Variants in SDK1 observed in about 807,000 individuals in gnomAD.
The protein encoded by SDK1 is protein sidekick-1.
A neutral mutation model predicts 245.5 loss-of-function variants in SDK1; 157 were observed. That is an observed-to-expected ratio of 0.64 (90% CI 0.56 to 0.73). The LOEUF (loss-of-function observed/expected upper bound fraction) is 0.73. SDK1 is among the 30% of genes least tolerant of loss of function. The pLI, the probability that SDK1 is intolerant of heterozygous loss-of-function variation, is 0.00. For synonymous variants in SDK1, 1,647 were observed against 1,278.5 expected (o/e 1.29, Z -6.15); for missense variants, 3,583 against 3,002.3 (o/e 1.19, Z -4.52).
intron 4 of SDK1, among the ~76,000 whole-genome samples, chr7:3,717,870 G>A (rs1785247906): frequency 6.6e-6 from 1 of 151,102 alleles, no homozygotes. Context: ...ACAGGGTTTT[G>A]TTTATTAAAT....
intron 4 of SDK1, among the ~76,000 whole-genome samples, chr7:3,755,140 C>T (rs1779882826): frequency 2.6e-5 from 4 of 152,130 alleles, no homozygotes; most frequent in Admixed American, 2.6e-4. Flanking sequence ...GGAAAGCTTC[C>T]AAGTGAAAGA....
At chr7:3,762,700 C>T (rs931401668) in intron 4 of SDK1, among the ~76,000 whole-genome samples, 1 of 152,160 alleles carries the variant, frequency 6.6e-6, no homozygotes, top group African/African-American at 2.4e-5. Context: ...GTAACATTCA[C>T]TGTAATAGAC....
At chr7:3,858,575 T>C (rs1173219298) in intron 5 of SDK1, among the ~76,000 whole-genome samples, 1 of 152,092 alleles carries the variant, frequency 6.6e-6, no homozygotes, top group East Asian at 1.9e-4. Flanking sequence ...CCAAGTCGTC[T>C]ATGTCTGCTT....
chr7:3,431,472 A>C (rs1238645400), intron 1 of SDK1, among the ~76,000 whole-genome samples: 1 of 148,418 alleles, frequency 6.7e-6, no homozygotes, highest in African/African-American at 2.5e-5. Context: ...GGTGTGGTCT[A>C]TGAGTAAGGC....
intron 5 of SDK1, among the ~76,000 whole-genome samples, chr7:3,835,996 T>C (rs1320356900): frequency 6.6e-6 from 1 of 152,234 alleles, no homozygotes; most frequent in Non-Finnish European, 1.5e-5. Flanking sequence ...ATAGCTCTTA[T>C]TTATATGAGT....
chr7:3,567,610 T>C (rs1323843117), intron 1 of SDK1, among the ~76,000 whole-genome samples: 1 of 152,202 alleles, frequency 6.6e-6, no homozygotes, highest in African/African-American at 2.4e-5. Context: ...GTAAATGTGC[T>C]TAACTTTTGG....
At chr7:3,544,904 A>C (rs1779168535) in intron 1 of SDK1, among the ~76,000 whole-genome samples, 1 of 152,204 alleles carries the variant, frequency 6.6e-6, no homozygotes, top group South Asian at 2.1e-4. Flanking sequence ...TGCTGCTGAT[A>C]GCTGTCAGAG....
At chr7:3,683,695 A>G (rs1321296249) in intron 4 of SDK1, among the ~76,000 whole-genome samples, 5 of 152,168 alleles carry the variant, frequency 3.3e-5, no homozygotes, top group African/African-American at 4.8e-5. Context: ...CTGCCTGGGG[A>G]CCTTGGGACT....
chr7:4,057,199 G>T (rs6976151), intron 19 of SDK1, among the ~76,000 whole-genome samples: 36,240 of 152,004 alleles, frequency 0.24, 6,392 homozygotes, highest in African/African-American at 0.51. Flanking sequence ...CACCCCAGCT[G>T]ACCACAGCTA....
rs144417163 is a variant in SDK1 at position 3,829,727 on chromosome 7, G to A, written c.847+8144G>A. On this transcript the variant is annotated intron_variant, in intron 5 of 44. Coordinates refer to ENST00000404826, the MANE Select transcript of SDK1 (RefSeq NM_152744.4). ...GAAGGCTCTCTGCGAAGAGCTCTGT[G>A]TGTGCAGACCTCAGAGGAGCTTGGT... 3.8e-3 allele frequency among the ~76,000 whole-genome samples: 575 copies of A among 152,304 alleles called. 5 individuals carry two copies. The highest frequency in any genetic ancestry group is 0.013 in the African/African-American group (559 of 41,568).
At chr7:4,095,255 C>G (rs1371461182) in intron 22 of SDK1, among the ~76,000 whole-genome samples, 4 of 136,802 alleles carry the variant, frequency 2.9e-5, no homozygotes, top group African/African-American at 1.2e-4. Context: ...CATCTGAGCT[C>G]TTCCTCAGCT....
chr7:3,594,057 A>G lies in SDK1; in HGVS notation c.299-25023A>G, dbSNP rs1233826316. Among the ~76,000 whole-genome samples, 5 of 152,298 alleles carry G rather than the reference A, an allele frequency of 3.3e-5. No homozygotes were observed. The East Asian group carries it at 7.7e-4, about 24-fold the overall frequency. On this transcript the variant is annotated intron_variant, in intron 1 of 44. Coordinates refer to ENST00000404826, the MANE Select transcript of SDK1 (RefSeq NM_152744.4). Reference sequence around the variant, plus strand: ...ACCATCATCATAATCTAATTTTAGAACATCCCCAAAAGAAACCATGTACCT... The same window carrying G: ...ACCATCATCATAATCTAATTTTAGAGCATCCCCAAAAGAAACCATGTACCT...
At chr7:4,212,444 C>T (rs957011465) in intron 38 of SDK1, among the ~76,000 whole-genome samples, 3 of 152,014 alleles carry the variant, frequency 2.0e-5, no homozygotes, top group Admixed American at 2.0e-4. Flanking sequence ...CTTAGACAAT[C>T]GATGGACTTT....
chr7:4,012,308 C>G (rs1786043274), intron 16 of SDK1, 73 bp downstream of exon 16: 1 of 1,398,036 alleles, frequency 7.2e-7, no homozygotes, highest in Middle Eastern at 2.5e-4. Flanking sequence ...GGGTTGCAAA[C>G]TCTAATGTCT....
intron 43 of SDK1, 68 bp from the exon 44 acceptor site, chr7:4,245,608 G>T: frequency 6.3e-7 from 1 of 1,579,900 alleles, no homozygotes; most frequent in South Asian, 1.1e-5. Flanking sequence ...CAAATGCCAG[G>T]TTAGGAGTCC....
At chr7:3,447,953 C>T (rs1174329676) in intron 1 of SDK1, among the ~76,000 whole-genome samples, 2 of 152,058 alleles carry the variant, frequency 1.3e-5, no homozygotes, top group African/African-American at 2.4e-5. Flanking sequence ...ATCCACCCAC[C>T]TCAGCCTCCC....
At chr7:3,517,605 C>G (rs1782794588) in intron 1 of SDK1, among the ~76,000 whole-genome samples, 1 of 152,122 alleles carries the variant, frequency 6.6e-6, no homozygotes. Context: ...CAGCTCAGAG[C>G]CTGTCCCGCC....
intron 1 of SDK1, among the ~76,000 whole-genome samples, chr7:3,460,757 A>G (rs1180399889): frequency 2.0e-5 from 3 of 152,220 alleles, no homozygotes; most frequent in Non-Finnish European, 4.4e-5. Context: ...GGCTAAAAAC[A>G]GCCAGCCCAA....
At chr7:4,231,707 C>T (rs1486970394) in intron 40 of SDK1, among the ~76,000 whole-genome samples, 8 of 152,168 alleles carry the variant, frequency 5.3e-5, no homozygotes, top group Admixed American at 1.3e-4. Flanking sequence ...ATCTCATTCA[C>T]GTCTATTCCT....
Sources: gnomAD v4.1 joint callset for allele counts (sites outside exome capture counted in the v4.1 genomes callset) on GRCh38, gnomAD v4.1.1 for gene constraint, MANE v1.5 for transcripts, NCBI Gene and HGNC (gene_info 2026-07-23, HGNC 2026-07-21) for gene names.